POFUT3: variants seen among roughly 807,000 people sequenced by gnomAD.
POFUT3 encodes the protein GDP-fucose protein O-fucosyltransferase 3.
chr8:33,367,107 G>A, the POFUT3 span, among the ~76,000 whole-genome samples: 1 of 152,088 alleles, frequency 6.6e-6, no homozygotes, highest in South Asian at 2.1e-4. Context: ...ATAAATAAAT[G>A]TTGGGAACAA....
the POFUT3 span, among the ~76,000 whole-genome samples, chr8:33,427,150 A>C: frequency 6.6e-6 from 1 of 152,172 alleles, no homozygotes; most frequent in African/African-American, 2.4e-5. Flanking sequence ...CAGAACATCT[A>C]ATACGGAAGC....
the POFUT3 span, among the ~76,000 whole-genome samples, chr8:33,365,226 A>T: frequency 6.6e-6 from 1 of 152,192 alleles, no homozygotes; most frequent in Non-Finnish European, 1.5e-5. Context: ...CTGAAACTGG[A>T]TCCCTTCCTT....
chr8:33,417,399 C>T, the POFUT3 span, among the ~76,000 whole-genome samples: 2 of 152,120 alleles, frequency 1.3e-5, no homozygotes, highest in Admixed American at 6.6e-5. Context: ...AAACCATCTT[C>T]CCCTCCCCGC....
chr8:33,390,423 C>T, the POFUT3 span, among the ~76,000 whole-genome samples: 1 of 151,486 alleles, frequency 6.6e-6, no homozygotes, highest in Non-Finnish European at 1.5e-5. Context: ...GCTTTTCTTC[C>T]TGAAAAGTGT....
At chr8:33,316,538 T>C in the POFUT3 span, among the ~76,000 whole-genome samples, 1 of 148,782 alleles carries the variant, frequency 6.7e-6, no homozygotes, top group African/African-American at 2.5e-5. Flanking sequence ...CTGGCCAACA[T>C]GGCAAAACCC....
chr8:33,379,043 T>C, the POFUT3 span, among the ~76,000 whole-genome samples: 2 of 152,036 alleles, frequency 1.3e-5, no homozygotes, highest in Non-Finnish European at 2.9e-5. Context: ...TCTCACGAGA[T>C]CTGATGGTTT....
chr8:33,430,371 G>T, the POFUT3 span, among the ~76,000 whole-genome samples: 1 of 152,262 alleles, frequency 6.6e-6, no homozygotes, highest in Admixed American at 6.5e-5. Context: ...AGGAAACCTG[G>T]GAATTTAGAG....
the POFUT3 span, among the ~76,000 whole-genome samples, chr8:33,367,207 G>A: frequency 1.3e-5 from 2 of 152,172 alleles, no homozygotes; most frequent in African/African-American, 2.4e-5. Flanking sequence ...TGGCCATAAC[G>A]CCCACGCTGG....
chr8:33,326,009 G>C, the POFUT3 span, among the ~76,000 whole-genome samples: 221 of 152,282 alleles, frequency 1.5e-3, 2 homozygotes, highest in African/African-American at 5.1e-3. Flanking sequence ...ACCAAACCTG[G>C]TGCTATTTGC....
the POFUT3 span, among the ~76,000 whole-genome samples, chr8:33,411,520 G>A: frequency 6.6e-6 from 1 of 152,214 alleles, no homozygotes; most frequent in Non-Finnish European, 1.5e-5. Flanking sequence ...CGGGCGCCAT[G>A]GCTCATGCCT....
At chr8:33,338,581 T>G in the POFUT3 span, among the ~76,000 whole-genome samples, 1 of 152,258 alleles carries the variant, frequency 6.6e-6, no homozygotes, top group South Asian at 2.1e-4. Context: ...TGGAGAGGTT[T>G]TAGAAGAGGT....
chr8:33,457,618 A>T, the POFUT3 span, among the ~76,000 whole-genome samples: 1 of 152,200 alleles, frequency 6.6e-6, no homozygotes, highest in Non-Finnish European at 1.5e-5. Context: ...TAATAGTAGC[A>T]ATATGGTTAC....
chr8:33,378,930 T>C, the POFUT3 span, among the ~76,000 whole-genome samples: 1 of 152,072 alleles, frequency 6.6e-6, no homozygotes, highest in Admixed American at 6.6e-5. Context: ...CCCACCCAAA[T>C]GTCATCTTGA....
chr8:33,443,340 T>C, the POFUT3 span, among the ~76,000 whole-genome samples: 13 of 152,150 alleles, frequency 8.5e-5, no homozygotes, highest in Non-Finnish European at 1.3e-4. Context: ...TTCAGGCCTA[T>C]AACATAAGAC....
the POFUT3 span, among the ~76,000 whole-genome samples, chr8:33,431,493 A>C: frequency 7.7e-6 from 1 of 129,206 alleles, no homozygotes. Flanking sequence ...GGTTGCAGTG[A>C]GCTGAGACTG....
At chr8:33,431,547 C>G in the POFUT3 span, among the ~76,000 whole-genome samples, 1 of 35,038 alleles carries the variant, frequency 2.9e-5, no homozygotes, top group Non-Finnish European at 6.1e-5. Context: ...GACCCTGTCT[C>G]AAAAAAAAAA....
At chr8:33,422,931 T>C in the POFUT3 span, among the ~76,000 whole-genome samples, 1 of 152,152 alleles carries the variant, frequency 6.6e-6, no homozygotes, top group South Asian at 2.1e-4. Flanking sequence ...TGCTCCCACC[T>C]CAGCCCCCCG....
At chr8:33,429,246 G>A in the POFUT3 span, among the ~76,000 whole-genome samples, 4 of 152,022 alleles carry the variant, frequency 2.6e-5, no homozygotes, top group East Asian at 1.9e-4. Flanking sequence ...CAGTACTCTC[G>A]GACCCAAGGT....
At chr8:33,348,307 T>C in the POFUT3 span, among the ~76,000 whole-genome samples, 72 of 148,718 alleles carry the variant, frequency 4.8e-4, no homozygotes, top group African/African-American at 1.7e-3. Flanking sequence ...GAAAAACTAA[T>C]AAAATGTGGC....
Sources: allele counts gnomAD v4.1 joint callset (sites outside exome capture counted in the v4.1 genomes callset), GRCh38; gene constraint gnomAD v4.1.1; transcripts MANE v1.5; gene names NCBI Gene and HGNC (gene_info 2026-07-23, HGNC 2026-07-21).